The following KIF16B variants were observed in gnomAD, a reference collection of about 807,000 sequenced individuals.
KIF16B encodes the protein kinesin family member 16B.
In KIF16B, 98 loss-of-function variants were observed where a neutral mutation model predicts 156.3. That is an observed-to-expected ratio of 0.63 (90% confidence interval 0.53 to 0.74). KIF16B has a LOEUF of 0.74. Among genes scored for constraint, KIF16B ranks in the 30% least tolerant of loss-of-function variants. The probability of loss-of-function intolerance (pLI) is 0.00; values close to 1 mark genes in which losing one functional copy is unlikely to be tolerated. For synonymous variants in KIF16B, 564 were observed against 583.7 expected (o/e 0.97, Z 0.49); for missense variants, 1,421 against 1,606.5 (o/e 0.88, Z 1.97).
intron 15 of KIF16B, among the ~76,000 whole-genome samples, chr20:16,419,676 A>G (rs774929193): frequency 3.9e-5 from 6 of 152,204 alleles, no homozygotes; most frequent in African/African-American, 7.2e-5. Context: ...AAAGGAGTCC[A>G]CTTATGTGAA....
intron 17 of KIF16B, among the ~76,000 whole-genome samples, chr20:16,389,599 A>G (rs948596137): frequency 6.6e-6 from 1 of 152,308 alleles, no homozygotes; most frequent in Admixed American, 6.5e-5. Context: ...AGCCTTCTCA[A>G]GCACCTCACA....
At chr20:16,412,683 T>C (rs1268738849) in intron 15 of KIF16B, among the ~76,000 whole-genome samples, 1 of 151,860 alleles carries the variant, frequency 6.6e-6, no homozygotes, top group East Asian at 1.9e-4. Context: ...AGAATGGGGG[T>C]AACCACCCCC....
rs1024118684 is a variant in KIF16B, at chr20:16,333,103, C to A, written c.3711+2823G>T. Among the ~76,000 whole-genome samples the A allele has an allele frequency of 2.0e-5, 3 of 152,272 alleles. No homozygotes were observed. In the East Asian group the frequency reaches 5.8e-4, roughly 29 times the overall value. On this transcript the variant is annotated intron_variant, in intron 24 of 25. Transcript: ENST00000354981. ...GATAGAGTCCCTTCCTACCTCTTTG[C>A]CCACATTCCTCTACCATCCTCACCA...
intron 25 of KIF16B, among the ~76,000 whole-genome samples, chr20:16,300,155 C>T (rs950075293): frequency 2.0e-5 from 3 of 152,116 alleles, no homozygotes; most frequent in African/African-American, 7.2e-5. Context: ...AAGGGAATCC[C>T]ACTAGGTCTA....
chr20:16,524,332 AAAAC>A, intron 3 of KIF16B, among the ~76,000 whole-genome samples: 2 of 152,338 alleles, frequency 1.3e-5, no homozygotes, highest in Non-Finnish European at 1.5e-5. Context: ...TTACAAGAAA[AAAAC>A]AAACAACCCC....
chr20:16,469,219 C>T (rs982319658), intron 12 of KIF16B, among the ~76,000 whole-genome samples: 36 of 139,568 alleles, frequency 2.6e-4, no homozygotes, highest in African/African-American at 9.7e-4. Flanking sequence ...TGCCACTGCA[C>T]TCCAGCCTGG....
At chr20:16,385,749 G>C (rs941383649) in intron 17 of KIF16B, among the ~76,000 whole-genome samples, 14 of 152,128 alleles carry the variant, frequency 9.2e-5, no homozygotes, top group Admixed American at 9.2e-4. Context: ...AGGTGGGAGA[G>C]GCCAGGGCAG....
intron 12 of KIF16B, among the ~76,000 whole-genome samples, chr20:16,486,116 G>A (rs1283825776): frequency 6.6e-6 from 1 of 152,018 alleles, no homozygotes; most frequent in Non-Finnish European, 1.5e-5. Context: ...TGAGACTATG[G>A]GAGCTTTACA....
intron 2 of KIF16B, 120 bp from the exon 3 acceptor site, chr20:16,526,325 T>G (rs1171376993): frequency 2.2e-6 from 1 of 451,944 alleles, no homozygotes; most frequent in Non-Finnish European, 3.9e-6. Context: ...TCTAAAAAAA[T>G]AAATAAATAA....
intron 22 of KIF16B, chr20:16,367,720 T>A: frequency 6.2e-7 from 1 of 1,612,484 alleles, no homozygotes; most frequent in Non-Finnish European, 8.5e-7. Context: ...GATTTCTGTT[T>A]TCCAATCAAG....
chr20:16,367,939 G>C (rs1474982952), intron 22 of KIF16B: 14 of 1,447,942 alleles, frequency 9.7e-6, no homozygotes, highest in Non-Finnish European at 1.2e-5. Context: ...CTGTAGACCA[G>C]AGAGAGGTAG....
intron 17 of KIF16B, among the ~76,000 whole-genome samples, chr20:16,389,885 A>C (rs1415897188): frequency 2.6e-5 from 4 of 152,102 alleles, no homozygotes; most frequent in Admixed American, 1.3e-4. Flanking sequence ...TCTCAGGTAA[A>C]CTTTCATTAG....
At chr20:16,481,227 C>G (rs749887919) in intron 12 of KIF16B, among the ~76,000 whole-genome samples, 1 of 152,160 alleles carries the variant, frequency 6.6e-6, no homozygotes, top group African/African-American at 2.4e-5. Flanking sequence ...GACAGGTTCT[C>G]ACTCTGTCGC....
At chr20:16,527,159 C>G (rs776409192) in intron 2 of KIF16B, among the ~76,000 whole-genome samples, 1 of 152,078 alleles carries the variant, frequency 6.6e-6, no homozygotes, top group Non-Finnish European at 1.5e-5. Context: ...TGAGAATATG[C>G]GAGAGGCCAA....
intron 12 of KIF16B, among the ~76,000 whole-genome samples, chr20:16,489,946 A>T (rs565474801): frequency 5.3e-5 from 8 of 152,230 alleles, no homozygotes; most frequent in African/African-American, 1.9e-4. Flanking sequence ...ATGCACAATC[A>T]TACAAGAGCC....
chr20:16,489,221 G>A (rs2068212786), intron 12 of KIF16B, among the ~76,000 whole-genome samples: 1 of 152,158 alleles, frequency 6.6e-6, no homozygotes, highest in Non-Finnish European at 1.5e-5. Context: ...TGGGGCCTTG[G>A]AGAAGAGGTA....
chr20:16,544,758 C>T (rs1293994265), intron 1 of KIF16B, among the ~76,000 whole-genome samples: 1 of 152,088 alleles, frequency 6.6e-6, no homozygotes, highest in African/African-American at 2.4e-5. Flanking sequence ...ATTTGTCTTC[C>T]CCACCAGTGT....
chr20:16,317,554 C>T (rs1375300115), intron 24 of KIF16B, among the ~76,000 whole-genome samples: 6 of 152,152 alleles, frequency 3.9e-5, no homozygotes, highest in Non-Finnish European at 8.8e-5. Context: ...CGTGACTGCA[C>T]CAAAAATAAT....
intron 25 of KIF16B, among the ~76,000 whole-genome samples, chr20:16,288,239 G>A (rs1218113205): frequency 6.6e-6 from 1 of 152,210 alleles, no homozygotes; most frequent in Non-Finnish European, 1.5e-5. Context: ...GTGGTTTGAA[G>A]TAAGCCCCTT....
Sources: allele counts gnomAD v4.1 joint callset (sites outside exome capture counted in the v4.1 genomes callset), GRCh38; gene constraint gnomAD v4.1.1; transcripts MANE v1.5; gene names NCBI Gene and HGNC (gene_info 2026-07-23, HGNC 2026-07-21).